Variants in SNRPN observed in about 807,000 individuals in gnomAD.
The protein encoded by SNRPN is small nuclear ribonucleoprotein-associated protein N.
Under a neutral mutation model 25.2 loss-of-function variants are expected in SNRPN, and 7 were observed. The observed-to-expected ratio is 0.28, with a 90% CI of 0.16 to 0.52. SNRPN has a LOEUF of 0.52. Ranked by LOEUF, SNRPN falls within the 20% of genes least tolerant of loss-of-function variation. SNRPN has a pLI of 0.96. For synonymous variants in SNRPN, 124 were observed against 110.6 expected (o/e 1.12, Z -0.76); for missense variants, 196 against 322.5 (o/e 0.61, Z 3.00).
chr15:24,836,897 C>G (rs942625575), intron 2 of SNRPN, among the ~76,000 whole-genome samples: 2 of 152,102 alleles, frequency 1.3e-5, no homozygotes, highest in African/African-American at 2.4e-5. Context: ...TCAGGTTCTT[C>G]TTGGCCTCCA....
chr15:24,880,401 T>C (rs2056465884), intron 1 of SNRPN, among the ~76,000 whole-genome samples: 3 of 152,150 alleles, frequency 2.0e-5, no homozygotes, highest in Non-Finnish European at 4.4e-5. Context: ...ACAGCCTCAC[T>C]TCTGGGTTTC....
At chr15:24,887,599 CAA>C (rs1457563009) in intron 2 of SNRPN, among the ~76,000 whole-genome samples, 3 of 152,078 alleles carry the variant, frequency 2.0e-5, no homozygotes, top group Non-Finnish European at 4.4e-5. Context: ...ACAATTTAGA[CAA>C]AGTTTTCACA....
chr15:24,975,299 A>G, intron 4 of SNRPN, 59 bp from the exon 5 acceptor site: 1 of 1,384,028 alleles, frequency 7.2e-7, no homozygotes, highest in Non-Finnish European at 1.0e-6. Context: ...GAAACAGGAG[A>G]AGATTAGAAG....
At chr15:24,883,307 T>G (rs1212771427) in intron 1 of SNRPN, among the ~76,000 whole-genome samples, 3 of 152,226 alleles carry the variant, frequency 2.0e-5, no homozygotes, top group Admixed American at 6.5e-5. Context: ...CACACAGCCC[T>G]GTACATCAGC....
At chr15:24,909,605 A>C in intron 2 of SNRPN, 2 of 1,235,722 alleles carry the variant, frequency 1.6e-6, no homozygotes, top group Non-Finnish European at 1.2e-6. Flanking sequence ...GCAGACTATC[A>C]TATCCCCCTC....
chr15:24,899,735 A>G (rs535298831), intron 2 of SNRPN, among the ~76,000 whole-genome samples: 1 of 152,346 alleles, frequency 6.6e-6, no homozygotes, highest in South Asian at 2.1e-4. Flanking sequence ...AGATTTCTGG[A>G]AAGTTCCACT....
intron 2 of SNRPN, among the ~76,000 whole-genome samples, chr15:24,841,778 T>C (rs187675227): frequency 5.5e-4 from 84 of 152,284 alleles, no homozygotes; most frequent in Admixed American, 5.2e-3. Context: ...TGGGCTGACA[T>C]TGTACGTGTT....
intron 2 of SNRPN, among the ~76,000 whole-genome samples, chr15:24,905,940 G>A (rs7175782): frequency 0.3 from 45,582 of 152,100 alleles, 7,270 homozygotes; most frequent in East Asian, 0.59. Context: ...ATTTGAAACT[G>A]TAGGAACGAA....
chr15:24,862,858 T>C (rs1318576572), intron 1 of SNRPN, among the ~76,000 whole-genome samples: 1 of 150,066 alleles, frequency 6.7e-6, no homozygotes, highest in Non-Finnish European at 1.5e-5. Flanking sequence ...TCTGGCACAG[T>C]TCAGGGCATG....
chr15:24,893,089 A>C (rs572500844), intron 2 of SNRPN, among the ~76,000 whole-genome samples: 2 of 152,084 alleles, frequency 1.3e-5, no homozygotes, highest in African/African-American at 4.8e-5. Flanking sequence ...CACGTCTGTA[A>C]TCCCAGTTAT....
intron 2 of SNRPN, among the ~76,000 whole-genome samples, chr15:24,837,467 C>T (rs1469528978): frequency 6.7e-6 from 1 of 148,178 alleles, no homozygotes; most frequent in Non-Finnish European, 1.5e-5. Context: ...CTCCTGGGTT[C>T]ACGCCATTCT....
intron 2 of SNRPN, among the ~76,000 whole-genome samples, chr15:24,917,471 A>G (rs1016147608): frequency 1.3e-5 from 2 of 152,238 alleles, no homozygotes; most frequent in African/African-American, 2.4e-5. Context: ...AAAAACCAAG[A>G]TTACTGCATA....
At chr15:24,957,559 C>G (rs2063130617) in intron 1 of SNRPN, among the ~76,000 whole-genome samples, 1 of 152,068 alleles carries the variant, frequency 6.6e-6, no homozygotes, top group Non-Finnish European at 1.5e-5. Flanking sequence ...CAGTGCTTGC[C>G]TTTTCTGTAT....
intron 2 of SNRPN, among the ~76,000 whole-genome samples, chr15:24,839,741 C>T (rs1260738319): frequency 9.9e-5 from 15 of 152,132 alleles, no homozygotes; most frequent in Admixed American, 8.5e-4. Context: ...ACACCATCAG[C>T]AGGCTTGTCT....
At chr15:24,916,150 T>C (rs1427029145) in intron 2 of SNRPN, among the ~76,000 whole-genome samples, 1 of 151,868 alleles carries the variant, frequency 6.6e-6, no homozygotes. Context: ...TAGTAGATAA[T>C]GGGGTTTCAC....
chr15:24,938,620 C>A (rs1200715650), intron 3 of SNRPN, among the ~76,000 whole-genome samples: 1 of 152,166 alleles, frequency 6.6e-6, no homozygotes, highest in African/African-American at 2.4e-5. Flanking sequence ...AGGGGGCATG[C>A]CACACTACAC....
At chr15:24,886,079 T>C (rs781235272) in intron 1 of SNRPN, among the ~76,000 whole-genome samples, 12 of 152,172 alleles carry the variant, frequency 7.9e-5, no homozygotes, top group Admixed American at 1.3e-4. Context: ...GAACGTTCTC[T>C]TAACTCCATC....
At chr15:24,919,487 G>A (rs1307497984) in intron 2 of SNRPN, among the ~76,000 whole-genome samples, 1 of 151,982 alleles carries the variant, frequency 6.6e-6, no homozygotes, top group African/African-American at 2.4e-5. Flanking sequence ...GGGTCACCAT[G>A]GTGATAGGTA....
chr15:24,931,573 G>A (rs988031221), intron 3 of SNRPN, among the ~76,000 whole-genome samples: 4 of 151,500 alleles, frequency 2.6e-5, no homozygotes, highest in South Asian at 4.2e-4. Flanking sequence ...GGTGCCACAC[G>A]CTTGTAATCC....
Sources: allele counts gnomAD v4.1 joint callset (sites outside exome capture counted in the v4.1 genomes callset), GRCh38; gene constraint gnomAD v4.1.1; transcripts MANE v1.5; gene names NCBI Gene and HGNC (gene_info 2026-07-23, HGNC 2026-07-21).